Variants in AP2B1 observed in about 807,000 individuals in gnomAD.
AP2B1 encodes the protein adaptor related protein complex 2 subunit beta 1, also known as AP-2 complex subunit beta.
A neutral mutation model predicts 102.0 loss-of-function variants in AP2B1; 23 were observed. That is an observed-to-expected ratio of 0.23 (90% CI 0.16 to 0.32). AP2B1 has a LOEUF of 0.32. Ranked by LOEUF, AP2B1 falls within the 10% of genes least tolerant of loss-of-function variation. The probability of loss-of-function intolerance (pLI) is 1.00; values close to 1 mark genes in which losing one functional copy is unlikely to be tolerated. For synonymous variants in AP2B1, 381 were observed against 421.2 expected (o/e 0.90, Z 1.17); for missense variants, 541 against 1,157.4 (o/e 0.47, Z 7.73).
At chr17:35,641,489 G>A (rs568881171) in intron 11 of AP2B1, among the ~76,000 whole-genome samples, 35 of 152,228 alleles carry the variant, frequency 2.3e-4, no homozygotes, top group Middle Eastern at 3.4e-3. Flanking sequence ...GAGGCAGGAG[G>A]ATTGCTTGAG....
intron 12 of AP2B1, among the ~76,000 whole-genome samples, chr17:35,644,544 A>ATTT (rs556891338): frequency 7.4e-6 from 1 of 135,924 alleles, no homozygotes; most frequent in Non-Finnish European, 1.6e-5. Flanking sequence ...CGCCCAGCTA[A>ATTT]TTTTTTTTTT....
At chr17:35,684,663 T>C (rs1180552937) in intron 18 of AP2B1, among the ~76,000 whole-genome samples, 2 of 152,210 alleles carry the variant, frequency 1.3e-5, no homozygotes, top group Non-Finnish European at 2.9e-5. Flanking sequence ...GTTACTATGA[T>C]GACAGTAATG....
At position 35,657,640 on chromosome 17, in the gene AP2B1, C is replaced by A. The variant is rs761350585; in HGVS notation, c.1838C>A (p.Thr613Lys). 6.2e-7 allele frequency: 1 copy of A among 1,614,022 alleles called. No homozygotes were observed. The highest frequency in any genetic ancestry group is 8.5e-7 in the Non-Finnish European group (1 of 1,179,908). The change falls in exon 14 of 22, where the codon ACG (threonine) becomes AAG (lysine). Residue 613 changes from threonine to lysine, a missense_variant. By Grantham distance (78) the Thr-to-Lys change is moderately conservative (BLOSUM62 -1). Transcript: ENST00000610402. ...AGCCCTGTTGGCACTACCACTGCAACGAACCTGGAACAGCCTCAGGTTATC... is the reference window on the plus strand; with the variant it reads ...AGCCCTGTTGGCACTACCACTGCAAAGAACCTGGAACAGCCTCAGGTTATC... ...GDSPVGTTTA[T>K]NLEQPQVIPS...
At chr17:35,662,699 C>T (rs2075385857) in intron 14 of AP2B1, among the ~76,000 whole-genome samples, 1 of 152,060 alleles carries the variant, frequency 6.6e-6, no homozygotes, top group Non-Finnish European at 1.5e-5. Context: ...GCTCATGAGT[C>T]TGACATCTGC....
chr17:35,720,637 A>ATC lies in AP2B1; in HGVS notation c.2782-2985_2782-2984dup, dbSNP rs202152443. On this transcript the variant is annotated intron_variant, in intron 21 of 21. Transcript: ENST00000610402. ...AGGGTCTCGCTATGTTGTGCAGGCT[A>ATC]TCTCAAACTCCTGGCCTTGAGCGAT... Among the ~76,000 whole-genome samples the ATC allele has an allele frequency of 8.4e-3, 1,038 of 123,944 alleles. 13 individuals carry two copies. The highest frequency in any genetic ancestry group is 0.031 in the African/African-American group (973 of 31,732). The allele number at this position is 123,944 out of a possible 152,430, so 81.3% of individuals were successfully genotyped here. A position where few individuals can be genotyped will look rare whatever the true frequency, so the allele number is the denominator to read the frequency against.
chr17:35,608,510 T>G (rs2301731), intron 5 of AP2B1, 123 bp downstream of exon 5: 44 of 1,192,458 alleles, frequency 3.7e-5, no homozygotes, highest in Non-Finnish European at 4.7e-5. Flanking sequence ...AAACATGACT[T>G]TGTGTGTCTC....
At chr17:35,647,811 A>G (rs769429168) in intron 12 of AP2B1, among the ~76,000 whole-genome samples, 2 of 152,178 alleles carry the variant, frequency 1.3e-5, no homozygotes, top group African/African-American at 2.4e-5. Flanking sequence ...CTTAGAAACT[A>G]AAATGGAAGC....
chr17:35,618,863 A>T (rs911230164), intron 5 of AP2B1, among the ~76,000 whole-genome samples: 2 of 152,200 alleles, frequency 1.3e-5, no homozygotes, highest in African/African-American at 4.8e-5. Context: ...GCTAGGTAGT[A>T]AATCTTTCCC....
At chr17:35,615,834 C>A (rs556158038) in intron 5 of AP2B1, among the ~76,000 whole-genome samples, 8 of 152,206 alleles carry the variant, frequency 5.3e-5, no homozygotes, top group African/African-American at 1.9e-4. Context: ...GTAATACATT[C>A]AGTCTGTATC....
chr17:35,659,137 C>G (rs1311795414), intron 14 of AP2B1, among the ~76,000 whole-genome samples: 1 of 152,104 alleles, frequency 6.6e-6, no homozygotes, highest in African/African-American at 2.4e-5. Flanking sequence ...CGGAGAGTGA[C>G]AAATATTTAA....
At chr17:35,697,967 A>G (rs1186578791) in intron 18 of AP2B1, among the ~76,000 whole-genome samples, 1 of 152,242 alleles carries the variant, frequency 6.6e-6, no homozygotes, top group African/African-American at 2.4e-5. Flanking sequence ...CTCAAAAGCT[A>G]GGGCAAAAAA....
chr17:35,605,240 CTTTTTTTTTTTCCTTTT>C (rs2073631719), intron 3 of AP2B1, among the ~76,000 whole-genome samples: 1 of 52,054 alleles, frequency 1.9e-5, no homozygotes. Context: ...CTTTTCTTTT[CTTTTTTTTTTTCCTTTT>C]TTTTTTAGAC....
rs147629625 is a variant in AP2B1, at chr17:35,684,378, T to C, written c.2454+1554T>C. On this transcript the variant is annotated intron_variant, in intron 18 of 21. Coordinates refer to ENST00000610402, the MANE Select transcript of AP2B1 (RefSeq NM_001030006.2). ...AGTCAAGACAGGTGGGATCCCATTGTTTAATCTAGAAATACCTGTGTGAGA... is the reference window on the plus strand; with the variant it reads ...AGTCAAGACAGGTGGGATCCCATTGCTTAATCTAGAAATACCTGTGTGAGA... Among the ~76,000 whole-genome samples the C allele has an allele frequency of 8.9e-4, 136 of 152,320 alleles. 1 individual carries two copies. The highest frequency in any genetic ancestry group is 3.2e-3 in the African/African-American group (135 of 41,566).
At chr17:35,681,920 T>C (rs587776307) in intron 17 of AP2B1, among the ~76,000 whole-genome samples, 5 of 152,336 alleles carry the variant, frequency 3.3e-5, no homozygotes, top group Admixed American at 6.5e-5. Flanking sequence ...ACCAGTGTTA[T>C]AGCAAATTGG....
intron 5 of AP2B1, among the ~76,000 whole-genome samples, chr17:35,614,483 C>A (rs1043077184): frequency 6.6e-6 from 1 of 152,012 alleles, no homozygotes; most frequent in Non-Finnish European, 1.5e-5. Flanking sequence ...AGCCACCATG[C>A]CTGGCCTGCT....
At chr17:35,633,521 C>T (rs1265233790) in intron 9 of AP2B1, among the ~76,000 whole-genome samples, 3 of 152,068 alleles carry the variant, frequency 2.0e-5, no homozygotes, top group Non-Finnish European at 2.9e-5. Context: ...CAGAAATTTT[C>T]AGGTGTACAA....
intron 5 of AP2B1, among the ~76,000 whole-genome samples, chr17:35,622,244 AT>A (rs2074200395): frequency 6.6e-6 from 1 of 152,300 alleles, no homozygotes; most frequent in Non-Finnish European, 1.5e-5. Flanking sequence ...CTGTAACCAT[AT>A]TTACCAAGTG....
chr17:35,694,655 C>A (rs2076106085), intron 18 of AP2B1, among the ~76,000 whole-genome samples: 1 of 152,084 alleles, frequency 6.6e-6, no homozygotes, highest in Non-Finnish European at 1.5e-5. Flanking sequence ...GCAGTTGGAT[C>A]ACTTGAGGTC....
chr17:35,639,635 T>A lies in AP2B1; in HGVS notation c.1312T>A (p.Ser438Thr). The A allele has an allele frequency of 6.2e-7, 1 of 1,614,050 alleles. No homozygotes were observed. The change falls in exon 11 of 22, where the codon TCG (serine) becomes ACG (threonine). Residue 438 changes from serine to threonine, a missense_variant. Coordinates refer to ENST00000610402, the MANE Select transcript of AP2B1 (RefSeq NM_001030006.2). ...CGCCACTCTGTGTGAGAACTTAGAC[T>A]CGCTGGATGAGCCAGATGCTCGAGC... ...IIATLCENLD[S>T]LDEPDARAAM...
Sources: allele counts gnomAD v4.1 joint callset (sites outside exome capture counted in the v4.1 genomes callset), GRCh38; gene constraint gnomAD v4.1.1; transcripts MANE v1.5; gene names NCBI Gene and HGNC (gene_info 2026-07-23, HGNC 2026-07-21).